The following ZNF423 variants were observed in gnomAD, a reference collection of about 807,000 sequenced individuals.
ZNF423 encodes zinc finger protein 423.
ZNF423 carries 12 observed loss-of-function variants against 95.8 expected under a neutral mutation model. The observed-to-expected ratio is 0.13, with a 90% CI of 0.08 to 0.20. ZNF423 has a LOEUF of 0.20. Among genes scored for constraint, ZNF423 ranks in the 10% least tolerant of loss-of-function variants. ZNF423 has a pLI of 1.00. For missense variants in ZNF423, 1,316 were observed against 1,737.1 expected (o/e 0.76, Z 4.31); for synonymous variants, 749 against 711.9 (o/e 1.05, Z -0.83).
At position 49,587,384 on chromosome 16, in the gene ZNF423, C is replaced by A. The variant is rs80352883; in HGVS notation, c.3601+38786G>T. Among the ~76,000 whole-genome samples the A allele has an allele frequency of 7.6e-3, 1,163 of 152,312 alleles. 9 individuals carry two copies. Among genetic ancestry groups the A allele is most frequent in the Admixed American group, 0.011 (162 of 15,304 alleles). On this transcript the variant is annotated intron_variant, in intron 5 of 7. Coordinates refer to ENST00000563137, the MANE Select transcript of ZNF423 (RefSeq NM_001379286.1). ...GCAAAATAACCTGAGGTGCCACAGA[C>A]CTGGATCAGAGCTGGGGCTTGGCAG...
At chr16:49,753,330 G>A (rs967068049) in intron 2 of ZNF423, among the ~76,000 whole-genome samples, 9 of 151,930 alleles carry the variant, frequency 5.9e-5, no homozygotes, top group Admixed American at 6.6e-5. Flanking sequence ...GGCTAGGCGC[G>A]GTGGCTCACA....
intron 1 of ZNF423, among the ~76,000 whole-genome samples, chr16:49,799,578 C>T (rs2034550384): frequency 6.6e-6 from 1 of 152,154 alleles, no homozygotes; most frequent in African/African-American, 2.4e-5. Flanking sequence ...CCCTCTCACC[C>T]TCCTATTCCC....
At chr16:49,752,913 G>A (rs1447977091) in intron 2 of ZNF423, among the ~76,000 whole-genome samples, 3 of 152,184 alleles carry the variant, frequency 2.0e-5, no homozygotes, top group South Asian at 4.1e-4. Context: ...GCAGTCAACC[G>A]CAGAGACAAA....
At chr16:49,573,494 A>G (rs1970411016) in intron 5 of ZNF423, among the ~76,000 whole-genome samples, 2 of 152,200 alleles carry the variant, frequency 1.3e-5, no homozygotes, top group African/African-American at 4.8e-5. Context: ...ACATCTGGAG[A>G]GAGCCTCCTT....
At position 49,490,476 on chromosome 16, in the gene ZNF423, G is replaced by T. The variant is rs1966913859; in HGVS notation, c.*799C>A. Reference sequence around the variant, plus strand: ...TACGATTCTTTTCCAAGGGGAGCAGGGTCTATTGTGTGCAGGTCCCCAAGG... The same window carrying T: ...TACGATTCTTTTCCAAGGGGAGCAGTGTCTATTGTGTGCAGGTCCCCAAGG... On this transcript the variant is annotated 3_prime_UTR_variant, in exon 8 of 8. Coordinates refer to ENST00000563137, the MANE Select transcript of ZNF423 (RefSeq NM_001379286.1). 1 of 152,362 alleles carries T rather than the reference G, an allele frequency of 6.6e-6. No individual in the cohort carries two copies. The highest frequency in any genetic ancestry group is 1.5e-5 in the Non-Finnish European group (1 of 68,124). 9.4% of individuals were successfully genotyped at this position (152,362 alleles called of 1,614,324 possible).
chr16:49,812,364 G>C (rs981702616), intron 1 of ZNF423, among the ~76,000 whole-genome samples: 2 of 152,210 alleles, frequency 1.3e-5, no homozygotes, highest in African/African-American at 4.8e-5. Context: ...GGCTATGAGA[G>C]GGGAGAGAGG....
Position 49,636,691 on chromosome 16 carries a change from GGAT to G in ZNF423, c.2482_2484del (p.Ile828del). 6.2e-7 allele frequency: 1 copy of G among 1,614,086 alleles called. No individual in the cohort carries two copies. Among genetic ancestry groups the G allele is most frequent in the Non-Finnish European group, 8.5e-7 (1 of 1,180,034 alleles). ...TTCTCCCGCAGGTGCTTCTCCAGCAGGATGATGGCGTGGAAGGCCTTGCTGCAG... is the reference window on the plus strand; with the variant it reads ...TTCTCCCGCAGGTGCTTCTCCAGCAGGATGGCGTGGAAGGCCTTGCTGCAG... On this transcript the variant is annotated inframe_deletion, in exon 4 of 8. Transcript: ENST00000563137. The surrounding 1 kb of genome is among the most constrained non-coding windows in gnomAD (Gnocchi z 8.6).
At chr16:49,525,243 C>T in intron 6 of ZNF423, 120 bp downstream of exon 6, 2 of 1,452,400 alleles carry the variant, frequency 1.4e-6, no homozygotes, top group Non-Finnish European at 1.9e-6. Context: ...CCAACGGAGT[C>T]CTGGTCTATA....
At chr16:49,756,302 C>T (rs2033725848) in intron 2 of ZNF423, among the ~76,000 whole-genome samples, 1 of 152,210 alleles carries the variant, frequency 6.6e-6, no homozygotes, top group African/African-American at 2.4e-5. Flanking sequence ...ATCTTAATGA[C>T]AGCTCTCTCT....
chr16:49,856,358 G>A (rs1384157551), upstream of ZNF423, among the ~76,000 whole-genome samples: 2 of 148,720 alleles, frequency 1.3e-5, no homozygotes, highest in Non-Finnish European at 3.0e-5. Context: ...CGGGGCTGGA[G>A]TCGAGGGTAT....
At position 49,752,861 on chromosome 16, in the gene ZNF423, G is replaced by A. The variant is rs138878846; in HGVS notation, c.101-21890C>T. The stretch of plus-strand genomic sequence containing the variant: ...CACCCACTCAACAAGTCAGGACTGC[G>A]GGGCTGCTGTGTGCCAGGCAATGTC... On this transcript the variant is annotated intron_variant, in intron 2 of 7. Coordinates refer to ENST00000563137, the MANE Select transcript of ZNF423 (RefSeq NM_001379286.1). Among the ~76,000 whole-genome samples, 427 of 152,330 alleles carry A rather than the reference G, an allele frequency of 2.8e-3. 6 individuals are homozygous for A. In the East Asian group the frequency reaches 0.038, roughly 14 times the overall value.
At chr16:49,540,738 C>T (rs529737562) in intron 5 of ZNF423, among the ~76,000 whole-genome samples, 77 of 152,274 alleles carry the variant, frequency 5.1e-4, no homozygotes, top group Admixed American at 2.8e-3. Context: ...CTGTTGAATC[C>T]CACTTCCAAA....
intron 3 of ZNF423, among the ~76,000 whole-genome samples, chr16:49,671,422 C>T (rs757460498): frequency 3.3e-5 from 5 of 152,206 alleles, no homozygotes; most frequent in Non-Finnish European, 7.3e-5. Flanking sequence ...GTCCCAAGCA[C>T]GCGTCCACCC....
At chr16:49,694,315 A>G (rs867153851) in intron 3 of ZNF423, among the ~76,000 whole-genome samples, 1 of 152,166 alleles carries the variant, frequency 6.6e-6, no homozygotes, top group African/African-American at 2.4e-5. Context: ...TCTAAAAATA[A>G]TCAGATGTGT....
At chr16:49,752,167 G>T (rs747845137) in intron 2 of ZNF423, among the ~76,000 whole-genome samples, 1 of 152,246 alleles carries the variant, frequency 6.6e-6, no homozygotes, top group Non-Finnish European at 1.5e-5. Flanking sequence ...AAAGAATGCG[G>T]GCCACTGTGC....
intron 5 of ZNF423, among the ~76,000 whole-genome samples, chr16:49,587,269 T>C (rs566218005): frequency 1.5e-4 from 23 of 152,282 alleles, no homozygotes; most frequent in Non-Finnish European, 2.8e-4. Flanking sequence ...AAACGGTCCC[T>C]GTGCTTTAGA....
At chr16:49,692,644 A>T (rs771367417) in intron 3 of ZNF423, among the ~76,000 whole-genome samples, 3 of 152,204 alleles carry the variant, frequency 2.0e-5, no homozygotes, top group African/African-American at 4.8e-5. Flanking sequence ...AGCTTGGAGA[A>T]AGGATGAGGA....
At chr16:49,737,925 T>C (rs1416136094) in intron 2 of ZNF423, among the ~76,000 whole-genome samples, 1 of 152,170 alleles carries the variant, frequency 6.6e-6, no homozygotes, top group Non-Finnish European at 1.5e-5. Context: ...CTGGGCACAC[T>C]GAAAACCTCC....
intron 5 of ZNF423, among the ~76,000 whole-genome samples, chr16:49,539,211 A>G (rs1334063546): frequency 6.6e-6 from 1 of 152,070 alleles, no homozygotes. Context: ...CCAGGTCTCA[A>G]CACCATCCCA....
Sources: allele counts gnomAD v4.1 joint callset (sites outside exome capture counted in the v4.1 genomes callset), GRCh38; gene constraint gnomAD v4.1.1; non-coding constraint Gnocchi (gnomAD v3.1); transcripts MANE v1.5; gene names NCBI Gene and HGNC (gene_info 2026-07-23, HGNC 2026-07-21).